Variants in NDUFAF7 observed in about 807,000 individuals in gnomAD.
The protein encoded by NDUFAF7 is NADH:ubiquinone oxidoreductase complex assembly factor 7, also known as protein arginine methyltransferase NDUFAF7, mitochondrial.
In NDUFAF7, 48 loss-of-function variants were observed where a neutral mutation model predicts 47.2. The observed-to-expected ratio is 1.02, with a 90% CI of 0.81 to 1.29. The LOEUF (loss-of-function observed/expected upper bound fraction) is 1.29. Ranked by LOEUF, NDUFAF7 falls within the 50% of genes most tolerant of loss-of-function variation. The probability of loss-of-function intolerance (pLI) is 0.00; values close to 1 mark genes in which losing one functional copy is unlikely to be tolerated. For missense variants in NDUFAF7, 635 were observed against 537.6 expected (o/e 1.18, Z -1.79); for synonymous variants, 217 against 190.0 (o/e 1.14, Z -1.17).
chr2:37,266,801 AT>A, the NDUFAF7 span, among the ~76,000 whole-genome samples: 1 of 152,252 alleles, frequency 6.6e-6, no homozygotes, highest in Middle Eastern at 3.4e-3. Context: ...ATGAGCTATT[AT>A]ACGACCATGA....
chr2:37,251,362 ATAC>A (rs1667477391), downstream of NDUFAF7: 1 of 152,596 alleles, frequency 6.6e-6, no homozygotes, highest in African/African-American at 2.4e-5. Flanking sequence ...CTGGTCTCAA[ATAC>A]TACTAACTGT....
chr2:37,269,888 T>C, the NDUFAF7 span, among the ~76,000 whole-genome samples: 1 of 152,214 alleles, frequency 6.6e-6, no homozygotes, highest in African/African-American at 2.4e-5. Flanking sequence ...GCAAGTATAA[T>C]GTATTGTGCA....
chr2:37,260,190 C>T, the NDUFAF7 span: 1,127 of 1,547,878 alleles, frequency 7.3e-4, 8 homozygotes, highest in African/African-American at 0.013. Flanking sequence ...AGTTTTTAAT[C>T]GCTAGTTTAA....
chr2:37,258,948 T>TACC, the NDUFAF7 span, among the ~76,000 whole-genome samples: 5 of 152,150 alleles, frequency 3.3e-5, no homozygotes, highest in Admixed American at 1.3e-4. Context: ...GGCTGCAGGG[T>TACC]ACCACCACCA....
intron 2 of NDUFAF7, among the ~76,000 whole-genome samples, chr2:37,232,785 T>C (rs969000936): frequency 1.3e-5 from 2 of 152,204 alleles, no homozygotes; most frequent in African/African-American, 4.8e-5. Context: ...GCAGTCTGGG[T>C]CGTCTTCACT....
chr2:37,242,728 G>T (rs1666482792), intron 6 of NDUFAF7, 35 bp downstream of exon 6: 1 of 1,450,558 alleles, frequency 6.9e-7, no homozygotes, highest in Admixed American at 1.7e-5. Context: ...GTCTATAATT[G>T]AATACAAAAG....
chr2:37,252,031 G>A (rs954216562), downstream of NDUFAF7: 7 of 152,094 alleles, frequency 4.6e-5, no homozygotes, highest in Admixed American at 3.3e-4. Flanking sequence ...GTAAAAAGAA[G>A]TACTTCTTTC....
At chr2:37,257,667 A>C (rs1668075832), downstream of NDUFAF7, among the ~76,000 whole-genome samples, 1 of 78,736 alleles carries the variant, frequency 1.3e-5, no homozygotes, top group African/African-American at 7.5e-5. Context: ...ACTCTGTCTC[A>C]AAAGAAAAAA....
rs373253222 is a variant in NDUFAF7 at position 37,248,289 on chromosome 2, C to T, written c.1265C>T (p.Ala422Val). 20 of 1,614,008 alleles carry T rather than the reference C, an allele frequency of 1.2e-5. No homozygotes were observed. The highest frequency in any genetic ancestry group is 1.6e-5 in the Non-Finnish European group (19 of 1,180,010). The change falls in exon 10 of 10, where the codon GCA becomes GTA. Residue 422 changes from alanine (A) to valine (V), a missense_variant. By Grantham distance (64) the Ala-to-Val change is moderately conservative. Coordinates refer to ENST00000002125, the MANE Select transcript of NDUFAF7 (RefSeq NM_144736.5). ...RLQGGRYQRN[A>V]RQSKPFASVV... ...CAAGGTGGAAGATATCAGAGGAATG[C>T]ACGTCAGTCAAAACCCTTTGCATCC...
intron 2 of NDUFAF7, among the ~76,000 whole-genome samples, chr2:37,233,461 C>G (rs1572524348): frequency 6.6e-6 from 1 of 152,070 alleles, no homozygotes; most frequent in South Asian, 2.1e-4. Flanking sequence ...AACCCCGTCT[C>G]TATTAAAAAT....
chr2:37,267,817 A>C, the NDUFAF7 span: 1 of 338,118 alleles, frequency 3.0e-6, no homozygotes, highest in African/African-American at 2.2e-5. Flanking sequence ...AATCAATGAT[A>C]GTTAATTACC....
chr2:37,239,677 G>A (rs1467243083), intron 4 of NDUFAF7, among the ~76,000 whole-genome samples: 2 of 152,182 alleles, frequency 1.3e-5, no homozygotes, highest in Non-Finnish European at 1.5e-5. Context: ...GCAAGAATGC[G>A]TGAAATCACA....
At chr2:37,250,757 A>G (rs1259689120), downstream of NDUFAF7, 1 of 151,854 alleles carries the variant, frequency 6.6e-6, no homozygotes, top group Non-Finnish European at 1.5e-5. Context: ...TATATTTACA[A>G]AAAGTTGGAT....
chr2:37,264,304 A>C, the NDUFAF7 span, among the ~76,000 whole-genome samples: 1 of 152,210 alleles, frequency 6.6e-6, no homozygotes, highest in African/African-American at 2.4e-5. Flanking sequence ...TAATACATTT[A>C]TTCATTAAAT....
At chr2:37,265,297 A>G in the NDUFAF7 span, among the ~76,000 whole-genome samples, 1 of 152,236 alleles carries the variant, frequency 6.6e-6, no homozygotes, top group Non-Finnish European at 1.5e-5. Flanking sequence ...GAAAAAGTTT[A>G]GCTGTGATGC....
At chr2:37,246,909 TA>T (rs1666978933) in intron 8 of NDUFAF7, among the ~76,000 whole-genome samples, 1 of 152,164 alleles carries the variant, frequency 6.6e-6, no homozygotes, top group Non-Finnish European at 1.5e-5. Context: ...ATTTTAGATT[TA>T]GGGGGTACAT....
In NDUFAF7 at chr2:37,237,642, CTG is replaced by C. The variant is rs1665934548; in HGVS notation, c.298-113_298-112del. On this transcript the variant is annotated intron_variant, in intron 3 of 9. Transcript: ENST00000002125. Reference sequence around the variant, plus strand: ...TATGTATTGAACAACATACATATGGCTGTACACATTTTGCTTTTTGGCATATA... The same window carrying C: ...TATGTATTGAACAACATACATATGGCTACACATTTTGCTTTTTGGCATATA... The C allele has an allele frequency of 4.5e-5, 33 of 734,906 alleles. 1 individual carries two copies. The South Asian group carries it at 5.2e-4, about 12-fold the overall frequency. The allele number at this position is 734,906 out of a possible 1,614,324, so 45.5% of individuals were successfully genotyped here.
the NDUFAF7 span, among the ~76,000 whole-genome samples, chr2:37,265,143 T>G: frequency 6.6e-6 from 1 of 151,764 alleles, no homozygotes; most frequent in African/African-American, 2.4e-5. Flanking sequence ...CCTTTCAGGT[T>G]TGGGTGATGA....
downstream of NDUFAF7, chr2:37,252,835 A>ATATT (rs1553362926): frequency 2.0e-5 from 2 of 102,002 alleles, no homozygotes; most frequent in Non-Finnish European, 4.2e-5. Flanking sequence ...ACAAACAAAC[A>ATATT]TATATTTATA....
Sources: allele counts gnomAD v4.1 joint callset (sites outside exome capture counted in the v4.1 genomes callset), GRCh38; gene constraint gnomAD v4.1.1; transcripts MANE v1.5; gene names NCBI Gene and HGNC (gene_info 2026-07-23, HGNC 2026-07-21).